The following COL14A1 variants were observed in gnomAD, a reference collection of about 807,000 sequenced individuals.
COL14A1 encodes collagen alpha-1(XIV) chain.
COL14A1 carries 136 observed loss-of-function variants against 230.3 expected under a neutral mutation model. That is an observed-to-expected ratio of 0.59 (90% CI 0.51 to 0.68). The LOEUF (loss-of-function observed/expected upper bound fraction) is 0.68, where lower values mean the gene tolerates loss of function less well. COL14A1 is among the 30% of genes least tolerant of loss of function. The pLI is 0.00. For synonymous variants in COL14A1, 792 were observed against 784.1 expected (o/e 1.01, Z -0.17); for missense variants, 1,976 against 2,215.8 (o/e 0.89, Z 2.17).
chr8:120,252,339 G>A (rs543864456), intron 22 of COL14A1, among the ~76,000 whole-genome samples: 17 of 152,048 alleles, frequency 1.1e-4, no homozygotes, highest in East Asian at 3.9e-4. Flanking sequence ...CCCTCACCCC[G>A]CTTCCAAACC....
Position 120,199,608 on chromosome 8 carries a change from C to T in COL14A1, c.877+42C>T, listed in dbSNP as rs2326483. The T allele has an allele frequency of 0.22, 347,095 of 1,563,818 alleles. 40,643 individuals are homozygous for T. Among genetic ancestry groups the T allele is most frequent in the East Asian group, 0.42 (18,208 of 43,008 alleles). On this transcript the variant is annotated intron_variant, in intron 8 of 47. Transcript: ENST00000297848. ...GTCTTGTTTCAACTAAGGGCATAGA[C>T]CCACAACCACTTAAAACAATATGTA...
chr8:120,182,851 C>T (rs992363481), intron 5 of COL14A1, among the ~76,000 whole-genome samples: 2 of 151,256 alleles, frequency 1.3e-5, no homozygotes, highest in East Asian at 2.0e-4. Flanking sequence ...CTCAGTCTCC[C>T]GAGTAGCTAG....
intron 42 of COL14A1, among the ~76,000 whole-genome samples, chr8:120,333,009 A>G (rs1187112563): frequency 1.3e-5 from 2 of 152,250 alleles, no homozygotes; most frequent in African/African-American, 4.8e-5. Flanking sequence ...TTGGCTAAGC[A>G]AACTCAATAT....
rs763753228 is a variant in COL14A1 at position 120,225,178 on chromosome 8, G to A, written c.1828G>A (p.Gly610Arg). 1.2e-6 allele frequency: 2 copies of A among 1,612,960 alleles called. No individual in the cohort carries two copies. Among genetic ancestry groups the A allele is most frequent in the Admixed American group, 1.7e-5 (1 of 59,914 alleles). ...TGCTATTTTCTCCATCTATGATGAA[G>A]GACAGTCAGAGCCTCTGACTGGAGT... ...TIAIFSIYDE[G>R]QSEPLTGVFT... Residue 610 changes from glycine (G) to arginine (R), a missense_variant, in exon 15 of 48, where the codon GGA (glycine) becomes AGA (arginine). Physicochemically the swap from Gly to Arg is moderately radical, Grantham distance 125. Transcript: ENST00000297848.
intron 8 of COL14A1, among the ~76,000 whole-genome samples, chr8:120,199,839 G>T (rs1202618810): frequency 6.6e-6 from 1 of 152,028 alleles, no homozygotes; most frequent in Non-Finnish European, 1.5e-5. Flanking sequence ...GCATGCAAAG[G>T]TCAGGTACAT....
Position 120,278,442 on chromosome 8 carries a change from A to G in COL14A1, c.3345A>G (p.Ala1115=), listed in dbSNP as rs1321540597. The change falls in exon 28 of 48, where the codon GCA becomes GCG. Residue 1115 remains alanine (A), a synonymous_variant. Coordinates refer to ENST00000297848, the MANE Select transcript of COL14A1 (RefSeq NM_021110.4). The stretch of plus-strand genomic sequence containing the variant: ...TGCCTTTCTTTGTTTCAGGAAAAGC[A>G]ATTAAGTATGTTCGAGATACCTTGT... ...YKGGNTKTGK[A]IKYVRDTLFT... The G allele has an allele frequency of 6.2e-7, 1 of 1,610,020 alleles. No individual in the cohort carries two copies. The highest frequency in any genetic ancestry group is 1.7e-5 in the Admixed American group (1 of 59,226).
intron 19 of COL14A1, among the ~76,000 whole-genome samples, chr8:120,235,886 T>TCAA (rs767174655): frequency 1.6e-3 from 243 of 152,332 alleles, no homozygotes; most frequent in Non-Finnish European, 2.2e-3. Context: ...CCAGTAGTCA[T>TCAA]TCAGGAGCAG....
intron 3 of COL14A1, among the ~76,000 whole-genome samples, chr8:120,160,988 T>C (rs1248082471): frequency 6.6e-6 from 1 of 152,194 alleles, no homozygotes; most frequent in Non-Finnish European, 1.5e-5. Flanking sequence ...GGTTTGTTTT[T>C]TGAGAAACTT....
intron 45 of COL14A1, among the ~76,000 whole-genome samples, chr8:120,362,413 T>C (rs566161913): frequency 6.6e-6 from 1 of 152,344 alleles, no homozygotes; most frequent in East Asian, 1.9e-4. Context: ...AAGTCTGCAA[T>C]CAAATTTTGT....
At chr8:120,364,596 A>C (rs780628377) in intron 45 of COL14A1, among the ~76,000 whole-genome samples, 1 of 152,144 alleles carries the variant, frequency 6.6e-6, no homozygotes, top group Non-Finnish European at 1.5e-5. Flanking sequence ...AAGAATAATA[A>C]AATCAGCCAG....
At position 120,197,857 on chromosome 8, in the gene COL14A1, T is replaced by C; in HGVS notation, c.639T>C (p.Asn213=). 6.2e-7 allele frequency: 1 copy of C among 1,613,770 alleles called. No individual in the cohort carries two copies. The highest frequency in any genetic ancestry group is 8.5e-7 in the Non-Finnish European group (1 of 1,179,732). Residue 213 remains asparagine, a synonymous_variant, in exon 7 of 48, where the codon AAT becomes AAC. Transcript: ENST00000297848. ...SGDPRIEWHL[N]AFSTKDEVIE... is the part of the protein sequence containing the mutation. ...ACCCCAGAATAGAATGGCACTTGAA[T>C]GCATTTAGCACAAAAGATGAAGTGA...
At position 120,247,685 on chromosome 8, in the gene COL14A1, C is replaced by T; in HGVS notation, c.2552C>T (p.Pro851Leu). ...AACCGGTTGCGCATTACGTGGGACC[C>T]CCCATCTTCCCCGGTGAAAGGCTAT... ...WYNRLRITWD[P>L]PSSPVKGYRI... is the part of the protein sequence containing the mutation. Residue 851 changes from proline (P) to leucine (L), a missense_variant, in exon 21 of 48, where the codon CCC (proline) becomes CTC (leucine). Physicochemically the swap from Pro to Leu is moderately conservative, Grantham distance 98. Coordinates refer to ENST00000297848, the MANE Select transcript of COL14A1 (RefSeq NM_021110.4). The T allele has an allele frequency of 6.2e-7, 1 of 1,614,128 alleles. No homozygotes were observed. Among genetic ancestry groups the T allele is most frequent in the Middle Eastern group, 1.6e-4 (1 of 6,062 alleles).
intron 19 of COL14A1, among the ~76,000 whole-genome samples, chr8:120,240,597 T>C (rs1443712322): frequency 6.6e-6 from 1 of 152,184 alleles, no homozygotes; most frequent in Non-Finnish European, 1.5e-5. Flanking sequence ...ATAAGAGGAA[T>C]ACCAGACCTT....
At chr8:120,336,418 C>T (rs567681656) in intron 42 of COL14A1, among the ~76,000 whole-genome samples, 7 of 152,258 alleles carry the variant, frequency 4.6e-5, no homozygotes, top group Middle Eastern at 3.4e-3. Context: ...TGTCTCTGTA[C>T]ATTTTAATAT....
chr8:120,309,511 GGCAAAA>G (rs1820958890), intron 36 of COL14A1, among the ~76,000 whole-genome samples: 3 of 151,984 alleles, frequency 2.0e-5, no homozygotes, highest in Non-Finnish European at 4.4e-5. Flanking sequence ...TAGATAATAT[GGCAAAA>G]GTTTTGAGGG....
chr8:120,225,255 C>G, intron 15 of COL14A1, 41 bp downstream of exon 15: 1 of 1,589,242 alleles, frequency 6.3e-7, no homozygotes, highest in Non-Finnish European at 8.6e-7. Context: ...TTGAGAGTAG[C>G]TATTAATATA....
chr8:120,346,472 G>T (rs1822515303), intron 45 of COL14A1, among the ~76,000 whole-genome samples: 1 of 152,150 alleles, frequency 6.6e-6, no homozygotes, highest in South Asian at 2.1e-4. Context: ...GCTCTGTGAG[G>T]CATATTAGTT....
chr8:120,192,056 A>C (rs1050007541), intron 5 of COL14A1, among the ~76,000 whole-genome samples: 58 of 151,814 alleles, frequency 3.8e-4, no homozygotes, highest in Admixed American at 3.3e-4. Context: ...TTTAAAGTTA[A>C]TATTGTTATG....
At chr8:120,302,867 C>G (rs540963810) in intron 36 of COL14A1, among the ~76,000 whole-genome samples, 2 of 152,260 alleles carry the variant, frequency 1.3e-5, no homozygotes, top group South Asian at 4.1e-4. Context: ...ACTTCCTATC[C>G]AAGAGCATGA....
Sources: gnomAD v4.1 joint callset for allele counts (sites outside exome capture counted in the v4.1 genomes callset) on GRCh38, gnomAD v4.1.1 for gene constraint, MANE v1.5 for transcripts, NCBI Gene and HGNC (gene_info 2026-07-23, HGNC 2026-07-21) for gene names.